The following NT5DC3 variants were observed in gnomAD, a reference collection of about 807,000 sequenced individuals.
The protein encoded by NT5DC3 is 5'-nucleotidase domain-containing protein 3.
NT5DC3 carries 42 observed loss-of-function variants against 67.8 expected under a neutral mutation model. That is an observed-to-expected ratio of 0.62 (90% CI 0.48 to 0.80). The LOEUF (loss-of-function observed/expected upper bound fraction) is 0.80. Ranked by LOEUF, NT5DC3 falls within the 30% of genes least tolerant of loss-of-function variation. The probability of loss-of-function intolerance (pLI) is 0.00; values close to 1 mark genes in which losing one functional copy is unlikely to be tolerated. For synonymous variants in NT5DC3, 237 were observed against 255.6 expected, an observed-to-expected ratio of 0.93 and a Z score of 0.69; for missense variants, 570 against 696.4, an observed-to-expected ratio of 0.82 and a Z score of 2.04.
intron 1 of NT5DC3, among the ~76,000 whole-genome samples, chr12:103,831,661 G>A (rs779240576): frequency 4.6e-5 from 7 of 151,978 alleles, no homozygotes; most frequent in African/African-American, 9.7e-5. Context: ...GTGTGTGTGC[G>A]CCCAATGCCT....
chr12:103,824,922 T>C (rs1887629985), intron 1 of NT5DC3, among the ~76,000 whole-genome samples: 1 of 152,184 alleles, frequency 6.6e-6, no homozygotes, highest in South Asian at 2.1e-4. Context: ...GGAAATCCTT[T>C]TCAATAAGCA....
rs772380690 is a variant in NT5DC3 at position 103,798,663 on chromosome 12, A to T, written c.539T>A (p.Val180Asp). The T allele has an allele frequency of 1.2e-6, 2 of 1,613,356 alleles. No individual in the cohort carries two copies. The highest frequency in any genetic ancestry group is 2.7e-5 in the African/African-American group (2 of 74,914). Residue 180 changes from valine (V) to aspartate (D), a missense_variant, in exon 5 of 14, where the codon GTC (valine) becomes GAC (aspartate). Val to Asp is a radical substitution (Grantham distance 152). Around this residue, in one of 2 missense-constraint regions of NT5DC3, gnomAD observed 466 missense variants for 608.0 expected, o/e 0.77. Coordinates refer to ENST00000392876, the MANE Select transcript of NT5DC3 (RefSeq NM_001031701.3). ...LGTVYRGLSV[V>D]PDEEVIEMYE... Reference sequence around the variant, plus strand: ...CATTTCAATGACTTCTTCATCAGGGACAACACTGAGGCCTCTGGAAAAACC... The same window carrying T: ...CATTTCAATGACTTCTTCATCAGGGTCAACACTGAGGCCTCTGGAAAAACC...
At chr12:103,794,068 G>T in intron 6 of NT5DC3, 71 bp from the exon 7 acceptor site, 1 of 1,165,632 alleles carries the variant, frequency 8.6e-7, no homozygotes, top group Non-Finnish European at 1.3e-6. Flanking sequence ...CAAGTGAAAT[G>T]GCAGTCATGG....
chr12:103,746,667 T>C, the NT5DC3 span: 2 of 1,613,956 alleles, frequency 1.2e-6, no homozygotes, highest in African/African-American at 2.7e-5. Context: ...CGTGTGAGTG[T>C]AACCTGGATT....
Position 103,777,754 on chromosome 12 carries a change from T to G in NT5DC3, c.*75A>C. On this transcript the variant is annotated 3_prime_UTR_variant, in exon 14 of 14. Coordinates refer to ENST00000392876, the MANE Select transcript of NT5DC3 (RefSeq NM_001031701.3). Reference sequence around the variant, plus strand: ...TCTGTATCTTTTCCAAAAGCAACACTCAGACCCACATGAAGTCAACCCCAT... The same window carrying G: ...TCTGTATCTTTTCCAAAAGCAACACGCAGACCCACATGAAGTCAACCCCAT... 1 of 1,481,132 alleles carries G rather than the reference T, an allele frequency of 6.8e-7. No homozygotes were observed. The highest frequency in any genetic ancestry group is 9.1e-7 in the Non-Finnish European group (1 of 1,096,882). 91.7% of individuals were successfully genotyped at this position (1,481,132 alleles called of 1,614,324 possible).
chr12:103,756,418 C>T, the NT5DC3 span, among the ~76,000 whole-genome samples: 6 of 152,318 alleles, frequency 3.9e-5, no homozygotes, highest in South Asian at 6.2e-4. Context: ...ATTTTCTTTG[C>T]CTTGACCACC....
At chr12:103,810,213 G>A (rs1345713063) in intron 2 of NT5DC3, among the ~76,000 whole-genome samples, 1 of 152,178 alleles carries the variant, frequency 6.6e-6, no homozygotes, top group East Asian at 1.9e-4. Context: ...GAACCATTTT[G>A]ACTAGGGTGA....
chr12:103,779,027 C>T (rs1269676152), intron 13 of NT5DC3, among the ~76,000 whole-genome samples: 1 of 152,098 alleles, frequency 6.6e-6, no homozygotes, highest in Non-Finnish European at 1.5e-5. Flanking sequence ...CTTCCCTTAC[C>T]GAAAGGATCA....
rs953840457 is a variant in NT5DC3 at position 103,774,144 on chromosome 12, G to T, written c.*3685C>A. On this transcript the variant is annotated 3_prime_UTR_variant, in exon 14 of 14. Transcript: ENST00000392876. ...GTCCCTTCCAAAGGGACCTCCATGG[G>T]CCTTGCTGGACTGTCATATTTGTGA... is the stretch of plus-strand genomic sequence containing the variant. 6.6e-6 allele frequency: 1 copy of T among 152,184 alleles called. No homozygotes were observed. The highest frequency in any genetic ancestry group is 1.5e-5 in the Non-Finnish European group (1 of 68,042). The allele number at this position is 152,184 out of a possible 1,614,324, so 9.4% of individuals were successfully genotyped here.
intron 1 of NT5DC3, 46 bp from the exon 2 acceptor site, chr12:103,815,167 GGTTA>G (rs1887197003): frequency 4.0e-6 from 5 of 1,255,288 alleles, no homozygotes; most frequent in Non-Finnish European, 5.4e-6. Flanking sequence ...AATAAATAAG[GGTTA>G]GTATGATTCC....
At chr12:103,748,058 T>G in the NT5DC3 span, among the ~76,000 whole-genome samples, 2 of 148,966 alleles carry the variant, frequency 1.3e-5, no homozygotes, top group African/African-American at 5.0e-5. Context: ...TGAGGAAAAA[T>G]CAGCAGTCTC....
the NT5DC3 span, among the ~76,000 whole-genome samples, chr12:103,762,708 A>AGTCTT: frequency 6.6e-6 from 1 of 152,164 alleles, no homozygotes; most frequent in African/African-American, 2.4e-5. Flanking sequence ...AGGACCTAGG[A>AGTCTT]GTCTTGTTTA....
chr12:103,840,737 T>C (rs1419689233), intron 1 of NT5DC3, among the ~76,000 whole-genome samples: 2 of 151,604 alleles, frequency 1.3e-5, no homozygotes, highest in Admixed American at 1.3e-4. Context: ...AAGGCGCGAG[T>C]TGTGAAGTTT....
chr12:103,807,359 T>A (rs1261192611), intron 2 of NT5DC3, among the ~76,000 whole-genome samples: 1 of 152,216 alleles, frequency 6.6e-6, no homozygotes, highest in Non-Finnish European at 1.5e-5. Context: ...GAAGCACAGC[T>A]TTACCCAAAC....
chr12:103,763,634 T>C, the NT5DC3 span: 1 of 1,594,240 alleles, frequency 6.3e-7, no homozygotes, highest in Non-Finnish European at 8.6e-7. Flanking sequence ...TATCTAGGAA[T>C]AGGTTCCCTT....
rs750775827 is a variant in NT5DC3 at position 103,840,962 on chromosome 12, C to T, written c.195G>A (p.Lys65=). ...RYLWERYREA[K]RSTEELVPSI... is the part of the protein sequence containing the mutation. ...CGCCTCACTCACCTTCTGTGCTTCTCTTCGCCTCCCGGTAGCGCTCCCACA... is the reference window on the plus strand; with the variant it reads ...CGCCTCACTCACCTTCTGTGCTTCTTTTCGCCTCCCGGTAGCGCTCCCACA... Residue 65 remains lysine, a synonymous_variant, in exon 1 of 14, where the codon AAG becomes AAA. Transcript: ENST00000392876. 41 of 1,351,914 alleles carry T rather than the reference C, an allele frequency of 3.0e-5. No individual in the cohort carries two copies. The African/African-American group carries it at 6.1e-4, about 20-fold the overall frequency. 83.7% of individuals were successfully genotyped at this position (1,351,914 alleles called of 1,614,324 possible).
chr12:103,794,544 G>C (rs573065294), intron 6 of NT5DC3, among the ~76,000 whole-genome samples: 1 of 152,322 alleles, frequency 6.6e-6, no homozygotes, highest in African/African-American at 2.4e-5. Context: ...AAGAGTGCTT[G>C]GAAGAGGTAA....
At position 103,775,052 on chromosome 12, in the gene NT5DC3, CT is replaced by C. The variant is rs1885298460; in HGVS notation, c.*2776del. 6.6e-6 allele frequency: 1 copy of C among 150,836 alleles called. No homozygotes were observed. Among genetic ancestry groups the C allele is most frequent in the Admixed American group, 6.6e-5 (1 of 15,146 alleles). 9.3% of individuals were successfully genotyped at this position (150,836 alleles called of 1,614,324 possible). On this transcript the variant is annotated 3_prime_UTR_variant, in exon 14 of 14. Transcript: ENST00000392876. Reference sequence around the variant, plus strand: ...AGTCATGACAGCGACAAGTTAAAATCTGTCCTGACTGAGTATATACAAGGAT... The same window carrying C: ...AGTCATGACAGCGACAAGTTAAAATCGTCCTGACTGAGTATATACAAGGAT...
At chr12:103,762,428 T>C in the NT5DC3 span, 21 of 1,614,128 alleles carry the variant, frequency 1.3e-5, no homozygotes, top group South Asian at 2.0e-4. Context: ...GGGAACATGA[T>C]GATGGGGTCC....
Sources: allele counts gnomAD v4.1 joint callset (sites outside exome capture counted in the v4.1 genomes callset), GRCh38; gene constraint gnomAD v4.1.1; regional missense constraint gnomAD v4.1.1; transcripts MANE v1.5; gene names NCBI Gene and HGNC (gene_info 2026-07-23, HGNC 2026-07-21).